MDN1: variants seen among roughly 807,000 people sequenced by gnomAD.
The protein encoded by MDN1 is midasin AAA ATPase 1, also known as midasin.
Under a neutral mutation model 669.2 loss-of-function variants are expected in MDN1, and 266 were observed. The ratio of observed to expected loss-of-function variants is 0.40; its 90% CI spans 0.36 to 0.44. The LOEUF (loss-of-function observed/expected upper bound fraction) is 0.44. Among genes scored for constraint, MDN1 ranks in the 20% least tolerant of loss-of-function variants. MDN1 has a pLI of 1.00. For synonymous variants in MDN1, 2,385 were observed against 2,457.1 expected, an observed-to-expected ratio of 0.97 and a Z score of 0.87; for missense variants, 5,940 against 6,754.0, an observed-to-expected ratio of 0.88 and a Z score of 4.22.
intron 5 of MDN1, among the ~76,000 whole-genome samples, chr6:89,791,291 T>C (rs1414981648): frequency 6.6e-6 from 1 of 152,152 alleles, no homozygotes; most frequent in Non-Finnish European, 1.5e-5. Flanking sequence ...AGATCACAAA[T>C]ATACACAATA....
chr6:89,715,512 T>C (rs1033712778), intron 45 of MDN1, 141 bp downstream of exon 45: 4 of 649,120 alleles, frequency 6.2e-6, no homozygotes, highest in Non-Finnish European at 1.1e-5. Flanking sequence ...TCAGTAAGTA[T>C]TTGTTAAGTG....
Position 89,772,674 on chromosome 6 carries a change from T to C in MDN1, c.1982A>G (p.Glu661Gly). 6.2e-7 allele frequency: 1 copy of C among 1,613,968 alleles called. No individual in the cohort carries two copies. The highest frequency in any genetic ancestry group is 8.5e-7 in the Non-Finnish European group (1 of 1,179,954). ...TTTGCTGACACACACTGCAAGCTGC[T>C]CGATGAGAACAGAGGACGGCCGTGT... Reference protein sequence around the residue: ...AATRPSSVLIEQLAVCVSKGE... With the variant: ...AATRPSSVLIGQLAVCVSKGE... Residue 661 changes from glutamate to glycine, a missense_variant, in exon 14 of 102, where the codon GAG becomes GGG. By Grantham distance (98) the Glu-to-Gly change is moderately conservative. Transcript: ENST00000369393.
intron 1 of MDN1, among the ~76,000 whole-genome samples, chr6:89,810,443 C>T (rs1170837384): frequency 1.3e-5 from 2 of 151,790 alleles, no homozygotes; most frequent in South Asian, 4.2e-4. Context: ...CTCAAAAACA[C>T]AAAACAAAAC....
intron 76 of MDN1, among the ~76,000 whole-genome samples, 159 bp downstream of exon 76, chr6:89,677,411 T>C (rs1157470106): frequency 6.6e-6 from 1 of 152,190 alleles, no homozygotes; most frequent in Non-Finnish European, 1.5e-5. Flanking sequence ...TTCATTTGAA[T>C]GTCCATCAGG....
At chr6:89,661,281 G>GA in intron 88 of MDN1, 150 bp downstream of exon 88, 1 of 855,794 alleles carries the variant, frequency 1.2e-6, no homozygotes, top group South Asian at 1.8e-5. Context: ...TACTACAAAG[G>GA]AAAGGCAAAC....
At chr6:89,693,195 A>C (rs776276012) in intron 62 of MDN1, 47 bp from the exon 63 acceptor site, 15 of 1,370,142 alleles carry the variant, frequency 1.1e-5, no homozygotes, top group Non-Finnish European at 1.4e-5. Context: ...GAAGAAGAGC[A>C]GCAAATCTAG....
At chr6:89,772,851 T>A in intron 13 of MDN1, 130 bp from the exon 14 acceptor site, 1 of 993,590 alleles carries the variant, frequency 1.0e-6, no homozygotes, top group Non-Finnish European at 1.4e-6. Flanking sequence ...CTTCAAGCTA[T>A]ACCAGATAAT....
At chr6:89,699,229 A>C (rs990304329) in intron 58 of MDN1, among the ~76,000 whole-genome samples, 194 bp from the exon 59 acceptor site, 1 of 152,232 alleles carries the variant, frequency 6.6e-6, no homozygotes. Flanking sequence ...TTAAAGCTGT[A>C]CTAATGAAAT....
chr6:89,724,704 AC>A (rs1176209178), intron 38 of MDN1, among the ~76,000 whole-genome samples: 1 of 152,244 alleles, frequency 6.6e-6, no homozygotes, highest in Non-Finnish European at 1.5e-5. Context: ...TGATGTTAAA[AC>A]AAGTAAGCAT....
At chr6:89,754,057 T>G in intron 21 of MDN1, 26 bp downstream of exon 21, 1 of 1,607,934 alleles carries the variant, frequency 6.2e-7, no homozygotes. Context: ...TAAGCTCATA[T>G]CCAGTCAAAG....
At chr6:89,769,725 C>T (rs1216149811) in intron 15 of MDN1, among the ~76,000 whole-genome samples, 2 of 152,218 alleles carry the variant, frequency 1.3e-5, no homozygotes, top group Non-Finnish European at 2.9e-5. Flanking sequence ...GTTAATCATA[C>T]TTTGAGTCCA....
chr6:89,716,389 A>G (rs1447651582), intron 44 of MDN1, among the ~76,000 whole-genome samples: 2 of 152,244 alleles, frequency 1.3e-5, no homozygotes, highest in East Asian at 3.9e-4. Flanking sequence ...AACTCAAAGG[A>G]CATTGCCAGG....
intron 45 of MDN1, 103 bp from the exon 46 acceptor site, chr6:89,714,854 T>C: frequency 2.3e-6 from 2 of 886,910 alleles, no homozygotes; most frequent in South Asian, 3.5e-5. Flanking sequence ...TGTGGCTCAT[T>C]GTCACAGAAT....
intron 8 of MDN1, 152 bp from the exon 9 acceptor site, chr6:89,785,278 G>T: frequency 1.7e-6 from 1 of 587,572 alleles, no homozygotes. Flanking sequence ...GGGCTTACAG[G>T]GCAGATGACA....
Position 89,750,530 on chromosome 6 carries a change from G to C in MDN1, c.3230C>G (p.Thr1077Ser). 6.2e-7 allele frequency: 1 copy of C among 1,601,024 alleles called. No homozygotes were observed. Among genetic ancestry groups the C allele is most frequent in the East Asian group, 2.2e-5 (1 of 44,520 alleles). ...CTCTCCCTGAATCAGCACTGGATAGGTTCTGTAAAAGATTAGCCAATTAAG... is the reference window on the plus strand; with the variant it reads ...CTCTCCCTGAATCAGCACTGGATAGCTTCTGTAAAAGATTAGCCAATTAAG... Reference protein sequence around the residue: ...RDIVRVVSAGTYPVLIQGETS... With the variant: ...RDIVRVVSAGSYPVLIQGETS... The change falls in exon 24 of 102, where the codon ACC becomes AGC. Residue 1077 changes from threonine (T) to serine (S), a missense_variant and splice_region_variant. Around this residue, in one of 5 missense-constraint regions of MDN1, gnomAD observed 15 missense variants for 36.2 expected, o/e 0.41. Transcript: ENST00000369393.
intron 73 of MDN1, among the ~76,000 whole-genome samples, 200 bp downstream of exon 73, chr6:89,682,932 C>CA (rs1271015850): frequency 7.1e-6 from 1 of 140,124 alleles, no homozygotes; most frequent in African/African-American, 2.6e-5. Flanking sequence ...GAATCTGTCT[C>CA]AAAAAAAAGC....
chr6:89,700,319 T>C (rs752165215), intron 56 of MDN1, 25 bp from the exon 57 acceptor site: 1 of 1,568,110 alleles, frequency 6.4e-7, no homozygotes, highest in Non-Finnish European at 8.8e-7. Flanking sequence ...AAATGTTGTA[T>C]GAGAGCACAA....
chr6:89,741,191 C>T (rs558029895), intron 31 of MDN1, among the ~76,000 whole-genome samples: 23 of 152,176 alleles, frequency 1.5e-4, no homozygotes, highest in Non-Finnish European at 2.6e-4. Flanking sequence ...GAGACTGTAC[C>T]ACTAAACTCC....
chr6:89,714,023 A>G (rs958772295), intron 46 of MDN1, among the ~76,000 whole-genome samples: 2 of 151,070 alleles, frequency 1.3e-5, no homozygotes, highest in African/African-American at 4.9e-5. Flanking sequence ...TGGGCGACAG[A>G]GTGAGACTCT....
Sources: gnomAD v4.1 joint callset for allele counts (sites outside exome capture counted in the v4.1 genomes callset) on GRCh38, gnomAD v4.1.1 for gene constraint, gnomAD v4.1.1 regional missense constraint, MANE v1.5 for transcripts, NCBI Gene and HGNC (gene_info 2026-07-23, HGNC 2026-07-21) for gene names.